RNF169: variants seen among roughly 807,000 people sequenced by gnomAD.
RNF169 encodes the protein ring finger protein 169.
A neutral mutation model predicts 53.9 loss-of-function variants in RNF169; 24 were observed. The ratio of observed to expected loss-of-function variants is 0.45; its 90% CI spans 0.32 to 0.63. The LOEUF is 0.63. Among genes scored for constraint, RNF169 ranks in the 20% least tolerant of loss-of-function variants. The pLI is 0.04. For missense variants in RNF169, 883 were observed against 906.2 expected (o/e 0.97, Z 0.33); for synonymous variants, 396 against 363.5 (o/e 1.09, Z -1.02).
At chr11:74,789,563 T>C in intron 1 of RNF169, 63 bp from the exon 2 acceptor site, 1 of 954,232 alleles carries the variant, frequency 1.0e-6, no homozygotes, top group Non-Finnish European at 1.7e-6. Context: ...ACATGTATTG[T>C]GCCTCCTGTG....
intron 1 of RNF169, among the ~76,000 whole-genome samples, chr11:74,774,379 C>CAA (rs200963092): frequency 2.7e-5 from 4 of 148,240 alleles, no homozygotes; most frequent in Admixed American, 1.3e-4. Flanking sequence ...AAGAAACAAA[C>CAA]AAAAAAAAAC....
At chr11:74,817,008 AGAT>A (rs2035949572) in intron 3 of RNF169, among the ~76,000 whole-genome samples, 1 of 152,208 alleles carries the variant, frequency 6.6e-6, no homozygotes, top group African/African-American at 2.4e-5. Context: ...TCCAGGCAAA[AGAT>A]GATAAGAATC....
At chr11:74,758,793 C>T (rs771392190) in intron 1 of RNF169, among the ~76,000 whole-genome samples, 3 of 152,120 alleles carry the variant, frequency 2.0e-5, no homozygotes, top group Non-Finnish European at 4.4e-5. Context: ...CGTGAGCCAC[C>T]GCGCCCGGCC....
At chr11:74,775,923 C>A (rs502225) in intron 1 of RNF169, among the ~76,000 whole-genome samples, 1 of 151,902 alleles carries the variant, frequency 6.6e-6, no homozygotes, top group Non-Finnish European at 1.5e-5. Flanking sequence ...TCAGTAAATA[C>A]TTAATGAAGG....
chr11:74,770,868 CG>C (rs1486957580), intron 1 of RNF169, among the ~76,000 whole-genome samples: 1 of 152,046 alleles, frequency 6.6e-6, no homozygotes, highest in Non-Finnish European at 1.5e-5. Flanking sequence ...TGCAGTGGCA[CG>C]ATCTCAGCTC....
intron 1 of RNF169, among the ~76,000 whole-genome samples, chr11:74,750,064 G>A (rs1446811833): frequency 2.6e-5 from 4 of 152,152 alleles, no homozygotes; most frequent in African/African-American, 9.7e-5. Context: ...AAGGTTGGGT[G>A]GCAGGGGCTG....
At chr11:74,827,760 G>A (rs969994640) in intron 4 of RNF169, among the ~76,000 whole-genome samples, 4 of 152,076 alleles carry the variant, frequency 2.6e-5, no homozygotes, top group Non-Finnish European at 5.9e-5. Flanking sequence ...TGCAGAAATG[G>A]CCTTCGATAA....
intron 3 of RNF169, among the ~76,000 whole-genome samples, chr11:74,814,917 T>G (rs2035923290): frequency 6.6e-6 from 1 of 152,222 alleles, no homozygotes; most frequent in Non-Finnish European, 1.5e-5. Context: ...TTTTTGGTGT[T>G]TATTACAGTT....
intron 1 of RNF169, among the ~76,000 whole-genome samples, chr11:74,783,311 T>C (rs2035444430): frequency 6.6e-6 from 1 of 152,142 alleles, no homozygotes; most frequent in African/African-American, 2.4e-5. Flanking sequence ...AGGAAGGATC[T>C]TCAGGGAACT....
intron 3 of RNF169, among the ~76,000 whole-genome samples, chr11:74,814,478 C>T (rs1387134574): frequency 6.8e-6 from 1 of 146,162 alleles, no homozygotes; most frequent in Non-Finnish European, 1.5e-5. Context: ...AGCCCCTGGG[C>T]TCAAGCGATC....
chr11:74,818,552 G>A (rs1292078694), intron 4 of RNF169, among the ~76,000 whole-genome samples: 9 of 152,030 alleles, frequency 5.9e-5, no homozygotes, highest in Admixed American at 5.2e-4. Flanking sequence ...CACCATGTCT[G>A]GCTAATTTTT....
chr11:74,764,988 G>C (rs2035149885), intron 1 of RNF169, among the ~76,000 whole-genome samples: 1 of 152,070 alleles, frequency 6.6e-6, no homozygotes, highest in Admixed American at 6.6e-5. Context: ...GAGGTGGGAG[G>C]ATCATTTGAG....
At chr11:74,752,371 C>T (rs1170299752) in intron 1 of RNF169, among the ~76,000 whole-genome samples, 3 of 151,276 alleles carry the variant, frequency 2.0e-5, no homozygotes, top group South Asian at 2.1e-4. Flanking sequence ...CTAAGGCGGG[C>T]GGATCACTTG....
intron 1 of RNF169, among the ~76,000 whole-genome samples, chr11:74,767,100 A>G (rs2035185519): frequency 6.6e-6 from 1 of 152,144 alleles, no homozygotes; most frequent in Admixed American, 6.5e-5. Flanking sequence ...TCTGCTTCCC[A>G]AAGTGCTGGG....
At chr11:74,791,979 G>A (rs2035586404) in intron 2 of RNF169, among the ~76,000 whole-genome samples, 1 of 152,234 alleles carries the variant, frequency 6.6e-6, no homozygotes, top group African/African-American at 2.4e-5. Flanking sequence ...TGCCATCACT[G>A]TTGTGGTATA....
intron 4 of RNF169, among the ~76,000 whole-genome samples, chr11:74,818,649 C>T (rs1383214153): frequency 6.6e-6 from 1 of 152,174 alleles, no homozygotes; most frequent in Non-Finnish European, 1.5e-5. Flanking sequence ...ATGCTTCAGC[C>T]TCCCAAAATG....
intron 4 of RNF169, among the ~76,000 whole-genome samples, chr11:74,823,979 A>G (rs2036055738): frequency 6.6e-6 from 1 of 152,166 alleles, no homozygotes; most frequent in Non-Finnish European, 1.5e-5. Flanking sequence ...GCCACCTTAT[A>G]ATATTCAAAA....
At chr11:74,781,722 G>T (rs1392301460) in intron 1 of RNF169, among the ~76,000 whole-genome samples, 1 of 152,166 alleles carries the variant, frequency 6.6e-6, no homozygotes, top group African/African-American at 2.4e-5. Flanking sequence ...GTTGTATGGG[G>T]TTGTTAGGCT....
chr11:74,802,408 G>A (rs1418922674), intron 2 of RNF169, among the ~76,000 whole-genome samples: 1 of 152,180 alleles, frequency 6.6e-6, no homozygotes, highest in African/African-American at 2.4e-5. Context: ...CACTTTGGGA[G>A]GCCGAGGCAA....
Sources: allele counts gnomAD v4.1 joint callset (sites outside exome capture counted in the v4.1 genomes callset), GRCh38; gene constraint gnomAD v4.1.1; transcripts MANE v1.5; gene names NCBI Gene and HGNC (gene_info 2026-07-23, HGNC 2026-07-21).